The following WDPCP variants were observed in gnomAD, a reference collection of about 807,000 sequenced individuals.
WDPCP encodes WD repeat-containing and planar cell polarity effector protein fritz homolog.
A neutral mutation model predicts 93.1 loss-of-function variants in WDPCP; 71 were observed. The observed-to-expected ratio is 0.76, with a 90% CI of 0.63 to 0.93. The LOEUF is 0.93. Among genes scored for constraint, WDPCP ranks in the 40% least tolerant of loss-of-function variants. The probability of loss-of-function intolerance (pLI) is 0.00; values close to 1 mark genes in which losing one functional copy is unlikely to be tolerated. For missense variants in WDPCP, 844 were observed against 887.4 expected (o/e 0.95, Z 0.62); for synonymous variants, 315 against 315.0 (o/e 1.00, Z 0.00).
intron 13 of WDPCP, among the ~76,000 whole-genome samples, chr2:63,272,914 A>G (rs1206778740): frequency 1.3e-5 from 2 of 152,224 alleles, no homozygotes; most frequent in Non-Finnish European, 2.9e-5. Context: ...ACGTTCCTAA[A>G]TAGATACAAT....
intron 14 of WDPCP, among the ~76,000 whole-genome samples, chr2:63,223,771 C>A (rs1678039384): frequency 6.6e-6 from 1 of 152,074 alleles, no homozygotes; most frequent in South Asian, 2.1e-4. Context: ...ATCCAAATAA[C>A]CTAGCACCAT....
intron 13 of WDPCP, among the ~76,000 whole-genome samples, chr2:63,267,549 C>T (rs1485715350): frequency 6.6e-6 from 1 of 152,156 alleles, no homozygotes; most frequent in Non-Finnish European, 1.5e-5. Flanking sequence ...AAGAGATAAA[C>T]CATGTATTGG....
At chr2:63,732,752 G>A (rs569144496) in intron 2 of WDPCP, among the ~76,000 whole-genome samples, 2 of 152,262 alleles carry the variant, frequency 1.3e-5, no homozygotes, top group South Asian at 2.1e-4. Context: ...ATTATTTTTG[G>A]AGTCACTCAA....
intron 13 of WDPCP, among the ~76,000 whole-genome samples, chr2:63,297,728 A>C (rs928280884): frequency 6.6e-6 from 1 of 152,174 alleles, no homozygotes; most frequent in Non-Finnish European, 1.5e-5. Flanking sequence ...TGCACAGGGT[A>C]GACCTAAATA....
intron 1 of WDPCP, among the ~76,000 whole-genome samples, chr2:63,566,756 C>T (rs1374366168): frequency 6.6e-6 from 1 of 152,122 alleles, no homozygotes; most frequent in Non-Finnish European, 1.5e-5. Context: ...AGCTCAGTCC[C>T]ACAAGACTGT....
intron 9 of WDPCP, among the ~76,000 whole-genome samples, chr2:63,424,817 A>G (rs1696140739): frequency 6.6e-6 from 1 of 152,160 alleles, no homozygotes; most frequent in South Asian, 2.1e-4. Context: ...GCCCCTATCT[A>G]AGAAAGCCTG....
chr2:63,599,520 C>T, intron 3 of WDPCP: 1 of 327,186 alleles, frequency 3.1e-6, no homozygotes, highest in Non-Finnish European at 5.6e-6. Flanking sequence ...TCGTCTTTAA[C>T]TATATTTCAA....
chr2:63,131,830 ATTC>A (rs1670311014), intron 17 of WDPCP, among the ~76,000 whole-genome samples: 1 of 126,200 alleles, frequency 7.9e-6, no homozygotes, highest in South Asian at 2.7e-4. Context: ...TAGATACAGT[ATTC>A]TTTTTTTTTT....
At chr2:63,694,647 G>A (rs1668938998) in intron 2 of WDPCP, among the ~76,000 whole-genome samples, 1 of 152,020 alleles carries the variant, frequency 6.6e-6, no homozygotes, top group Non-Finnish European at 1.5e-5. Flanking sequence ...AAGCATAGTT[G>A]TACCAAATAA....
chr2:63,297,519 A>G (rs1684963544), intron 13 of WDPCP, among the ~76,000 whole-genome samples: 1 of 152,154 alleles, frequency 6.6e-6, no homozygotes. Flanking sequence ...TCCTACAGTC[A>G]GGTATGTGGA....
At chr2:63,136,575 G>T (rs765726095) in intron 17 of WDPCP, among the ~76,000 whole-genome samples, 2 of 152,152 alleles carry the variant, frequency 1.3e-5, no homozygotes, top group African/African-American at 2.4e-5. Context: ...AGGAATACAT[G>T]TGTAGGTTTG....
chr2:63,819,912 C>G (rs763213904), intron 1 of WDPCP, among the ~76,000 whole-genome samples: 2 of 152,130 alleles, frequency 1.3e-5, no homozygotes, highest in African/African-American at 2.4e-5. Flanking sequence ...TTACCCTCTC[C>G]TATGAGAGCT....
intron 10 of WDPCP, among the ~76,000 whole-genome samples, chr2:63,402,072 C>T (rs1334799794): frequency 2.0e-5 from 3 of 151,976 alleles, no homozygotes; most frequent in Admixed American, 6.6e-5. Flanking sequence ...CAACCAAATG[C>T]CCATCAATAA....
chr2:63,444,298 G>A (rs148981983), intron 6 of WDPCP, among the ~76,000 whole-genome samples: 40 of 152,252 alleles, frequency 2.6e-4, no homozygotes, highest in African/African-American at 9.6e-4. Flanking sequence ...GAATAAGAAG[G>A]TATAAATCAA....
intron 1 of WDPCP, among the ~76,000 whole-genome samples, chr2:63,575,465 A>ACGG (rs751954591): frequency 7.6e-5 from 1 of 13,206 alleles, no homozygotes; most frequent in African/African-American, 2.9e-4. Flanking sequence ...TACAGTATAT[A>ACGG]TGCAGTATAT....
chr2:63,140,898 A>G (rs1259177049), intron 17 of WDPCP, among the ~76,000 whole-genome samples: 1 of 152,152 alleles, frequency 6.6e-6, no homozygotes, highest in African/African-American at 2.4e-5. Flanking sequence ...TCCAGTTCCC[A>G]GAGGGAATGC....
chr2:63,353,851 C>T (rs1013515870), intron 12 of WDPCP, among the ~76,000 whole-genome samples: 1 of 152,102 alleles, frequency 6.6e-6, no homozygotes, highest in Non-Finnish European at 1.5e-5. Flanking sequence ...CGGGAGCAGG[C>T]CCCCAGAATA....
intron 2 of WDPCP, among the ~76,000 whole-genome samples, chr2:63,759,283 G>A (rs1351515611): frequency 6.6e-6 from 1 of 152,156 alleles, no homozygotes; most frequent in African/African-American, 2.4e-5. Context: ...TAAATTATAT[G>A]AGCTTCAGGT....
intron 14 of WDPCP, among the ~76,000 whole-genome samples, chr2:63,186,811 G>GT (rs34323591): frequency 0.042 from 5,617 of 132,472 alleles, 120 homozygotes; most frequent in South Asian, 0.059. Context: ...GTGTGTGTGT[G>GT]TTTTTTTTTT....
Sources: gnomAD v4.1 joint callset for allele counts (sites outside exome capture counted in the v4.1 genomes callset) on GRCh38, gnomAD v4.1.1 for gene constraint, MANE v1.5 for transcripts, NCBI Gene and HGNC (gene_info 2026-07-23, HGNC 2026-07-21) for gene names.